ZNF107: variants seen among roughly 807,000 people sequenced by gnomAD.
ZNF107 encodes C2H2 type zinc-finger protein.
In ZNF107, 19 loss-of-function variants were observed where a neutral mutation model predicts 12.3. The ratio of observed to expected loss-of-function variants is 1.55; its 90% CI spans 1.08 to 2.27. The LOEUF is 2.27. Among genes scored for constraint, ZNF107 ranks in the 30% most tolerant of loss-of-function variants. The pLI is 0.00. For synonymous variants in ZNF107, 317 were observed against 330.5 expected, an observed-to-expected ratio of 0.96 and a Z score of 0.44; for missense variants, 958 against 979.9, an observed-to-expected ratio of 0.98 and a Z score of 0.30.
At chr7:64,698,984 T>C (rs985485045) in intron 3 of ZNF107, among the ~76,000 whole-genome samples, 3 of 152,138 alleles carry the variant, frequency 2.0e-5, no homozygotes, top group Non-Finnish European at 2.9e-5. Flanking sequence ...TAGAAGATCA[T>C]TTGATTATAT....
Position 64,674,680 on chromosome 7 carries a change from G to A in ZNF107, c.3+8395G>A, listed in dbSNP as rs577714646. Among the ~76,000 whole-genome samples, 8 of 152,318 alleles carry A rather than the reference G, an allele frequency of 5.3e-5. No individual in the cohort carries two copies. The East Asian group carries it at 1.5e-3, about 29-fold the overall frequency. On this transcript the variant is annotated intron_variant, in intron 1 of 3. Transcript: ENST00000620827. ...GAGAAAGCATCCTAGTCTTGTGCCA[G>A]TTTTCATGGAGAAATGCTTCTAGCT...
At chr7:64,694,773 T>C (rs1243785604) in intron 3 of ZNF107, among the ~76,000 whole-genome samples, 2 of 152,158 alleles carry the variant, frequency 1.3e-5, no homozygotes, top group African/African-American at 2.4e-5. Flanking sequence ...CTGATGTCAC[T>C]CTGTATACAT....
chr7:64,676,860 T>A (rs1789430539), intron 1 of ZNF107, among the ~76,000 whole-genome samples: 1 of 152,162 alleles, frequency 6.6e-6, no homozygotes. Flanking sequence ...TTGTCTATGT[T>A]ATCTTATGTA....
rs954963922 is a variant in ZNF107 at position 64,687,166 on chromosome 7, G to C, written c.4-4082G>C. ...GAGCTGTTTTTCTCTTGAATGCATT[G>C]GGTGTCTGTTTTGGAAGCCCTATTA... On this transcript the variant is annotated intron_variant, in intron 1 of 3. Transcript: ENST00000620827. The C allele has an allele frequency of 5.1e-6, 5 of 985,390 alleles. No homozygotes were observed. In the African/African-American group the frequency reaches 8.8e-5, roughly 17 times the overall value. The allele number at this position is 985,390 out of a possible 1,614,324, so 61.0% of individuals were successfully genotyped here.
intron 1 of ZNF107, chr7:64,684,555 G>A (rs1020973858): frequency 9.1e-6 from 9 of 984,190 alleles, no homozygotes; most frequent in East Asian, 1.1e-4. Flanking sequence ...CTTGGAAGTC[G>A]CAAGTACTCT....
In ZNF107 at chr7:64,707,076, A is replaced by T; in HGVS notation, c.979A>T (p.Asn327Tyr). ...ECGKAFNLFS[N>Y]LTNHKRIHAG... ...TGGAAAAGCTTTTAACCTATTCTCAAATCTTACTAACCATAAGAGAATTCA... is the reference window on the plus strand; with the variant it reads ...TGGAAAAGCTTTTAACCTATTCTCATATCTTACTAACCATAAGAGAATTCA... Residue 327 changes from asparagine (N) to tyrosine (Y), a missense_variant, in exon 4 of 4, where the codon AAT (asparagine) becomes TAT (tyrosine). Asn to Tyr is a moderately radical substitution (Grantham distance 143). Coordinates refer to ENST00000620827, the MANE Select transcript of ZNF107 (RefSeq NM_001282359.2). The T allele has an allele frequency of 1.2e-6, 2 of 1,611,570 alleles. No individual in the cohort carries two copies. The highest frequency in any genetic ancestry group is 2.7e-5 in the African/African-American group (2 of 74,874).
chr7:64,686,845 G>T, intron 1 of ZNF107: 3 of 970,476 alleles, frequency 3.1e-6, no homozygotes, highest in Non-Finnish European at 3.7e-6. Context: ...TTCCGATTCA[G>T]CCCACTAACA....
At chr7:64,686,755 C>G in intron 1 of ZNF107, 1 of 850,738 alleles carries the variant, frequency 1.2e-6, no homozygotes, top group Non-Finnish European at 1.4e-6. Context: ...CAACAAGTCC[C>G]AAAACCATGT....
rs955045417 is a variant in ZNF107, at chr7:64,707,623, A to C, written c.1526A>C (p.Tyr509Ser). 6.2e-7 allele frequency: 1 copy of C among 1,612,996 alleles called. No individual in the cohort carries two copies. Among genetic ancestry groups the C allele is most frequent in the African/African-American group, 1.3e-5 (1 of 74,888 alleles). Reference sequence around the variant, plus strand: ...AAAATTCATACTGGAGAGAAACCCTACAAATGTGAAGAATGTGACAGAGCT... The same window carrying C: ...AAAATTCATACTGGAGAGAAACCCTCCAAATGTGAAGAATGTGACAGAGCT... The part of the protein sequence containing the change: ...HKKIHTGEKP[Y>S]KCEECDRAFS... The change falls in exon 4 of 4, where the codon TAC (tyrosine) becomes TCC (serine). Residue 509 changes from tyrosine (Y) to serine (S), a missense_variant. Physicochemically the swap from Tyr to Ser is moderately radical, Grantham distance 144. Coordinates refer to ENST00000620827, the MANE Select transcript of ZNF107 (RefSeq NM_001282359.2).
chr7:64,682,618 TA>T (rs1362036946), intron 1 of ZNF107, among the ~76,000 whole-genome samples: 1 of 152,150 alleles, frequency 6.6e-6, no homozygotes, highest in Non-Finnish European at 1.5e-5. Flanking sequence ...GTGGCCTACT[TA>T]TCTAAACTTG....
intron 1 of ZNF107, among the ~76,000 whole-genome samples, chr7:64,684,328 A>G (rs1584473968): frequency 6.6e-6 from 1 of 151,742 alleles, no homozygotes; most frequent in African/African-American, 2.4e-5. Flanking sequence ...TCTTTTACCC[A>G]CCTCAGATAC....
At chr7:64,701,610 T>A (rs542580933) in intron 3 of ZNF107, among the ~76,000 whole-genome samples, 71 of 152,154 alleles carry the variant, frequency 4.7e-4, no homozygotes, top group South Asian at 2.7e-3. Flanking sequence ...CTTTTTTTTT[T>A]AATATATTTA....
At chr7:64,692,551 G>GA (rs1790150547) in intron 3 of ZNF107, among the ~76,000 whole-genome samples, 1 of 152,042 alleles carries the variant, frequency 6.6e-6, no homozygotes, top group Non-Finnish European at 1.5e-5. Context: ...TCATTACTGT[G>GA]AAAATAATGC....
intron 1 of ZNF107, among the ~76,000 whole-genome samples, chr7:64,671,616 C>T (rs1027829881): frequency 2.0e-5 from 3 of 152,178 alleles, no homozygotes; most frequent in African/African-American, 4.8e-5. Flanking sequence ...CATTCTCCCC[C>T]ACCCATGGAT....
intron 1 of ZNF107, among the ~76,000 whole-genome samples, chr7:64,683,731 G>T (rs1789782278): frequency 1.3e-5 from 2 of 152,072 alleles, no homozygotes; most frequent in African/African-American, 4.8e-5. Flanking sequence ...TGTTCTGTCT[G>T]CCACTCCAAG....
intron 1 of ZNF107, among the ~76,000 whole-genome samples, chr7:64,682,520 C>T (rs2128959934): frequency 6.6e-6 from 1 of 152,262 alleles, no homozygotes; most frequent in Non-Finnish European, 1.5e-5. Context: ...ACTGGCGTTC[C>T]TCGACTCCAC....
intron 1 of ZNF107, among the ~76,000 whole-genome samples, chr7:64,685,022 C>A (rs1025889479): frequency 6.6e-6 from 1 of 152,156 alleles, no homozygotes; most frequent in Non-Finnish European, 1.5e-5. Context: ...ACCTACCACC[C>A]TCGTAATGAA....
intron 1 of ZNF107, among the ~76,000 whole-genome samples, chr7:64,677,175 A>ATTTTTT (rs71567859): frequency 1.4e-5 from 2 of 145,356 alleles, no homozygotes; most frequent in Non-Finnish European, 1.5e-5. Flanking sequence ...ATACCCATGG[A>ATTTTTT]TTTTTTTTTT....
chr7:64,711,086 A>C lies in ZNF107; in HGVS notation c.*2430A>C, dbSNP rs914630101. ...AAACTTTTTTTAACATGTTAAAACT[A>C]TTGTGCATTCAATGAAGTGTTTTCA... On this transcript the variant is annotated 3_prime_UTR_variant, in exon 4 of 4. Coordinates refer to ENST00000620827, the MANE Select transcript of ZNF107 (RefSeq NM_001282359.2). 6.6e-6 allele frequency: 1 copy of C among 152,166 alleles called. No homozygotes were observed. Among genetic ancestry groups the C allele is most frequent in the Non-Finnish European group, 1.5e-5 (1 of 67,988 alleles). 9.4% of individuals were successfully genotyped at this position (152,166 alleles called of 1,614,324 possible). A position where few individuals can be genotyped will look rare whatever the true frequency, so the allele number is the denominator to read the frequency against.
Sources: allele counts gnomAD v4.1 joint callset (sites outside exome capture counted in the v4.1 genomes callset), GRCh38; gene constraint gnomAD v4.1.1; transcripts MANE v1.5; gene names NCBI Gene and HGNC (gene_info 2026-07-23, HGNC 2026-07-21).